The following TOR1AIP2 variants were observed in gnomAD, a reference collection of about 807,000 sequenced individuals.
TOR1AIP2 encodes torsin-1A-interacting protein 2.
TOR1AIP2 carries 20 observed loss-of-function variants against 32.6 expected under a neutral mutation model. The observed-to-expected ratio is 0.61, with a 90% CI of 0.43 to 0.89. TOR1AIP2 has a LOEUF of 0.89. Among genes scored for constraint, TOR1AIP2 ranks in the 40% least tolerant of loss-of-function variants. The pLI is 0.00. For missense variants in TOR1AIP2, 456 were observed against 553.8 expected, an observed-to-expected ratio of 0.82 and a Z score of 1.77; for synonymous variants, 214 against 210.8, an observed-to-expected ratio of 1.02 and a Z score of -0.13.
chr1:179,863,646 C>T, intron 3 of TOR1AIP2: 2 of 941,748 alleles, frequency 2.1e-6, no homozygotes, highest in Non-Finnish European at 2.5e-6. Flanking sequence ...CTGGGTCATA[C>T]AGCAAGACTC....
Position 179,861,177 on chromosome 1 carries a change from A to T in TOR1AIP2, c.-147+4259T>A, listed in dbSNP as rs1696515589. The T allele has an allele frequency of 6.1e-6, 6 of 985,354 alleles. No homozygotes were observed. The South Asian group carries it at 2.3e-4, about 39-fold the overall frequency. The allele number at this position is 985,354 out of a possible 1,614,324, so 61.0% of individuals were successfully genotyped here. Reference sequence around the variant, plus strand: ...ACCAACTCTTCCACACTATAAAAATAGAGACGAGTGTAGCTCACACTATTT... The same window carrying T: ...ACCAACTCTTCCACACTATAAAAATTGAGACGAGTGTAGCTCACACTATTT... On this transcript the variant is annotated intron_variant, in intron 3 of 6. Coordinates refer to ENST00000609928, the MANE Select transcript of TOR1AIP2 (RefSeq NM_001199260.2).
rs761968390 is a variant in TOR1AIP2, at chr1:179,874,251, G to A, written c.-566+2988C>T. The A allele has an allele frequency of 2.0e-5, 3 of 152,114 alleles. 1 individual carries two copies. Among genetic ancestry groups the A allele is most frequent in the Non-Finnish European group, 4.4e-5 (3 of 68,030 alleles). 9.4% of individuals were successfully genotyped at this position (152,114 alleles called of 1,614,324 possible). ...TTAACAGATTTGCCAGATGACTCTG[G>A]TGTTCACTATAAAGTAGCTGGGTGT... On this transcript the variant is annotated intron_variant, in intron 2 of 6. Coordinates refer to ENST00000609928, the MANE Select transcript of TOR1AIP2 (RefSeq NM_001199260.2).
intron 2 of TOR1AIP2, chr1:179,868,809 T>G (rs1571696937): frequency 6.6e-6 from 1 of 152,170 alleles, no homozygotes; most frequent in African/African-American, 2.4e-5. Flanking sequence ...TCCACTTACA[T>G]AAAGTTTCAA....
intron 3 of TOR1AIP2, chr1:179,864,698 C>T: frequency 6.0e-6 from 9 of 1,504,412 alleles, no homozygotes; most frequent in Non-Finnish European, 7.9e-6. Flanking sequence ...CTGGGTCAGA[C>T]TTAGAAATGA....
intron 2 of TOR1AIP2, chr1:179,869,043 T>C (rs1378454509): frequency 6.6e-6 from 1 of 152,256 alleles, no homozygotes; most frequent in Admixed American, 6.5e-5. Context: ...GGTTTCTCCA[T>C]GTTGGTCAGG....
At position 179,845,998 on chromosome 1, in the gene TOR1AIP2, CAT is replaced by C; in HGVS notation, c.*71_*72del. On this transcript the variant is annotated 3_prime_UTR_variant, in exon 7 of 7. Transcript: ENST00000609928. ...TCAAGCTATTTTATCAACCTCCTTC[CAT>C]ATAAATGGAAGGTCTTTAAACAAAC... 1 of 1,358,298 alleles carries C rather than the reference CAT, an allele frequency of 7.4e-7. No individual in the cohort carries two copies. 84.1% of individuals were successfully genotyped at this position (1,358,298 alleles called of 1,614,324 possible).
intron 3 of TOR1AIP2, chr1:179,861,106 TATA>T (rs1349329863): frequency 1.0e-6 from 1 of 985,326 alleles, no homozygotes; most frequent in East Asian, 1.1e-4. Flanking sequence ...AGGGAGTAGT[TATA>T]ATGGTCATTT....
chr1:179,860,304 G>A (rs544651938), intron 3 of TOR1AIP2: 19 of 762,056 alleles, frequency 2.5e-5, no homozygotes, highest in Non-Finnish European at 2.9e-5. Flanking sequence ...GCAACATGGC[G>A]ATACTCCATC....
rs1373432810 is a variant in TOR1AIP2 at position 179,846,519 on chromosome 1, G to C, written c.965C>G (p.Ser322Cys). 1 of 1,614,134 alleles carries C rather than the reference G, an allele frequency of 6.2e-7. No homozygotes were observed. Among genetic ancestry groups the C allele is most frequent in the Admixed American group, 1.7e-5 (1 of 60,016 alleles). ...AATCTGAATGGGAGAGACTTTCTGGGAAGAGGTGTAGGCATCTGCAACATG... is the reference window on the plus strand; with the variant it reads ...AATCTGAATGGGAGAGACTTTCTGGCAAGAGGTGTAGGCATCTGCAACATG... ...SHHVADAYTS[S>C]QKVSPIQIDG... Residue 322 changes from serine (S) to cysteine (C), a missense_variant, in exon 7 of 7, where the codon TCC becomes TGC. Ser to Cys is a moderately radical substitution (Grantham distance 112). Transcript: ENST00000609928.
Position 179,846,122 on chromosome 1 carries a change from T to G in TOR1AIP2, c.1362A>C (p.Val454=), listed in dbSNP as rs1571650372. The change falls in exon 7 of 7, where the codon GTA becomes GTC. Residue 454 remains valine, a synonymous_variant. Coordinates refer to ENST00000609928, the MANE Select transcript of TOR1AIP2 (RefSeq NM_001199260.2). ...SGLWSRISHL[V]LPVQPVSSIE... is the part of the protein sequence containing the mutation. The stretch of plus-strand genomic sequence containing the variant: ...TGCTACTCACTGGCTGGACTGGCAG[T>G]ACCAGGTGTGAAATTCGGCTCCACA... 6.2e-7 allele frequency: 1 copy of G among 1,614,074 alleles called. No homozygotes were observed. The highest frequency in any genetic ancestry group is 1.3e-5 in the African/African-American group (1 of 74,924).
rs755780808 is a variant in TOR1AIP2, at chr1:179,864,775, T to C, written c.-147+661A>G. The C allele has an allele frequency of 7.6e-6, 12 of 1,585,520 alleles. No homozygotes were observed. In the East Asian group the frequency reaches 1.3e-4, roughly 18 times the overall value. On this transcript the variant is annotated intron_variant, in intron 3 of 6. Coordinates refer to ENST00000609928, the MANE Select transcript of TOR1AIP2 (RefSeq NM_001199260.2). Reference sequence around the variant, plus strand: ...CTAGACTTGACAATTTTGACTATTATAGAAGCTATTTGTTTTGGCCCAGTT... The same window carrying C: ...CTAGACTTGACAATTTTGACTATTACAGAAGCTATTTGTTTTGGCCCAGTT...
chr1:179,847,592 T>C lies in TOR1AIP2; in HGVS notation c.598A>G (p.Lys200Glu), dbSNP rs1215803690. The C allele has an allele frequency of 3.1e-6, 5 of 1,614,054 alleles. No homozygotes were observed. Among genetic ancestry groups the C allele is most frequent in the Non-Finnish European group, 4.2e-6 (5 of 1,180,008 alleles). The change falls in exon 6 of 7, where the codon AAA (lysine) becomes GAA (glutamate). Residue 200 changes from lysine (K) to glutamate (E), a missense_variant. Lys to Glu is a moderately conservative substitution (Grantham distance 56, BLOSUM62 1). Coordinates refer to ENST00000609928, the MANE Select transcript of TOR1AIP2 (RefSeq NM_001199260.2). The stretch of plus-strand genomic sequence containing the variant: ...CTCATGGTGTCCTGTGCATTCTCTT[T>C]AATTTCTTCCAATTTTTGTGTTTGT... ...PQQTQKLEEI[K>E]ENAQDTMRQI...
intron 3 of TOR1AIP2, chr1:179,864,759 A>G: frequency 4.5e-6 from 7 of 1,555,790 alleles, no homozygotes; most frequent in Non-Finnish European, 6.1e-6. Flanking sequence ...TCTAGACTTG[A>G]CAATTTTGAC....
chr1:179,846,090 T>C lies in TOR1AIP2; in HGVS notation c.1394A>G (p.Glu465Gly), dbSNP rs760015380. 1.2e-6 allele frequency: 2 copies of C among 1,613,652 alleles called. No individual in the cohort carries two copies. Among genetic ancestry groups the C allele is most frequent in the Admixed American group, 1.7e-5 (1 of 59,994 alleles). ...TTAGCTTTAGAAAAGGCACCCCTGT[T>C]CTTCTATGCTACTCACTGGCTGGAC... ...LPVQPVSSIE[E>G]QGCLF Residue 465 changes from glutamate to glycine, a missense_variant, in exon 7 of 7, where the codon GAA becomes GGA. Glu to Gly is a moderately conservative substitution (Grantham distance 98). Coordinates refer to ENST00000609928, the MANE Select transcript of TOR1AIP2 (RefSeq NM_001199260.2).
intron 3 of TOR1AIP2, chr1:179,861,097 G>A (rs1696513231): frequency 1.0e-6 from 1 of 985,266 alleles, no homozygotes; most frequent in South Asian, 4.7e-5. Flanking sequence ...TAAAATAACA[G>A]GGAGTAGTTA....
intron 3 of TOR1AIP2, among the ~76,000 whole-genome samples, chr1:179,858,147 G>A (rs1696376524): frequency 6.6e-6 from 1 of 151,084 alleles, no homozygotes; most frequent in South Asian, 2.1e-4. Flanking sequence ...CCTGTCTCGG[G>A]GGAAAAAAAC....
chr1:179,848,500 G>A (rs1295899436), intron 5 of TOR1AIP2, among the ~76,000 whole-genome samples: 31 of 152,152 alleles, frequency 2.0e-4, no homozygotes, highest in Admixed American at 2.0e-3. Flanking sequence ...GAAAATTCAC[G>A]AAATATGTAA....
At chr1:179,859,979 G>T in intron 3 of TOR1AIP2, 1 of 567,946 alleles carries the variant, frequency 1.8e-6, no homozygotes, top group Non-Finnish European at 2.2e-6. Flanking sequence ...TGGGACTACA[G>T]GCACATACCA....
rs1695688745 is a variant in TOR1AIP2 at position 179,840,544 on chromosome 1, G to C, written c.*5527C>G. Reference sequence around the variant, plus strand: ...TAATGCAGATAATACTGGAAGGAAAGGTACTGAAGACTAAGGTATTTACCT... The same window carrying C: ...TAATGCAGATAATACTGGAAGGAAACGTACTGAAGACTAAGGTATTTACCT... On this transcript the variant is annotated 3_prime_UTR_variant, in exon 7 of 7. Transcript: ENST00000609928. 6.6e-6 allele frequency: 1 copy of C among 152,148 alleles called. No homozygotes were observed. Among genetic ancestry groups the C allele is most frequent in the Admixed American group, 6.5e-5 (1 of 15,280 alleles). 9.4% of individuals were successfully genotyped at this position (152,148 alleles called of 1,614,324 possible).
Sources: gnomAD v4.1 joint callset for allele counts (sites outside exome capture counted in the v4.1 genomes callset) on GRCh38, gnomAD v4.1.1 for gene constraint, MANE v1.5 for transcripts, NCBI Gene and HGNC (gene_info 2026-07-23, HGNC 2026-07-21) for gene names.